TSHZ2: variants seen among roughly 807,000 people sequenced by gnomAD.
The protein encoded by TSHZ2 is teashirt zinc finger homeobox 2, also known as teashirt homolog 2.
In TSHZ2, 21 loss-of-function variants were observed where a neutral mutation model predicts 74.4. The observed-to-expected ratio is 0.28, with a 90% CI of 0.20 to 0.41. The LOEUF is 0.41. TSHZ2 is among the 10% of genes least tolerant of loss of function. TSHZ2 has a pLI of 1.00. For missense variants in TSHZ2, 1,244 were observed against 1,293.5 expected (o/e 0.96, Z 0.59); for synonymous variants, 540 against 515.3 (o/e 1.05, Z -0.65).
intron 2 of TSHZ2, among the ~76,000 whole-genome samples, chr20:53,278,071 T>C (rs993129018): frequency 5.9e-5 from 9 of 152,322 alleles, no homozygotes; most frequent in African/African-American, 2.2e-4. Context: ...AGAGCTACCA[T>C]TTCACGAGTG....
chr20:53,451,223 C>T (rs1984770948), intron 2 of TSHZ2, among the ~76,000 whole-genome samples: 1 of 152,184 alleles, frequency 6.6e-6, no homozygotes, highest in Non-Finnish European at 1.5e-5. Flanking sequence ...GTAATTTTTT[C>T]AGTTTCTGGT....
chr20:52,989,358 G>C (rs941900048), intron 1 of TSHZ2, among the ~76,000 whole-genome samples: 1 of 152,046 alleles, frequency 6.6e-6, no homozygotes, highest in African/African-American at 2.4e-5. Context: ...TGATCATCCT[G>C]TTTTATTGTC....
chr20:53,094,382 C>G (rs1389196910), intron 1 of TSHZ2, among the ~76,000 whole-genome samples: 1 of 152,156 alleles, frequency 6.6e-6, no homozygotes, highest in Non-Finnish European at 1.5e-5. Context: ...TGTCTGCCAT[C>G]TCTGGTATAT....
chr20:53,040,406 C>T (rs1983995115), intron 1 of TSHZ2, among the ~76,000 whole-genome samples: 1 of 152,052 alleles, frequency 6.6e-6, no homozygotes, highest in Non-Finnish European at 1.5e-5. Flanking sequence ...GTGGGCTGTG[C>T]TAAATATCTC....
chr20:53,101,000 T>G (rs962074381), intron 1 of TSHZ2, among the ~76,000 whole-genome samples: 1 of 151,920 alleles, frequency 6.6e-6, no homozygotes, highest in African/African-American at 2.4e-5. Flanking sequence ...GGGGTAGGGG[T>G]GGGAGAAAAT....
chr20:53,084,365 T>C (rs1270624400), intron 1 of TSHZ2, among the ~76,000 whole-genome samples: 2 of 152,218 alleles, frequency 1.3e-5, no homozygotes, highest in Non-Finnish European at 2.9e-5. Flanking sequence ...GTCGGGGTTT[T>C]TTCCACTAAG....
intron 2 of TSHZ2, among the ~76,000 whole-genome samples, chr20:53,439,420 C>T (rs1402941416): frequency 1.3e-5 from 2 of 152,190 alleles, no homozygotes; most frequent in East Asian, 1.9e-4. Context: ...TGTTGGAATC[C>T]TCCCTTTCTA....
At chr20:53,005,217 C>A (rs1344619759) in intron 1 of TSHZ2, among the ~76,000 whole-genome samples, 1 of 151,806 alleles carries the variant, frequency 6.6e-6, no homozygotes. Flanking sequence ...GGAGGCTGAG[C>A]CAGGAGAATC....
At chr20:53,239,935 ATATAT>A (rs1990026680) in intron 1 of TSHZ2, among the ~76,000 whole-genome samples, 1 of 152,134 alleles carries the variant, frequency 6.6e-6, no homozygotes, top group Non-Finnish European at 1.5e-5. Context: ...TACAAATTAG[ATATAT>A]TATGAAGCTC....
intron 2 of TSHZ2, among the ~76,000 whole-genome samples, chr20:53,325,215 A>G (rs143426295): frequency 6.6e-6 from 1 of 152,292 alleles, no homozygotes; most frequent in African/African-American, 2.4e-5. Flanking sequence ...GATCTCCAGC[A>G]GTTCCTGAAT....
chr20:53,387,570 C>T (rs2145651516), intron 2 of TSHZ2, among the ~76,000 whole-genome samples: 1 of 152,304 alleles, frequency 6.6e-6, no homozygotes, highest in South Asian at 2.1e-4. Context: ...GCACCTGGAC[C>T]TCTTTTGCTC....
chr20:53,412,360 T>A (rs1983084047), intron 2 of TSHZ2, among the ~76,000 whole-genome samples: 1 of 152,264 alleles, frequency 6.6e-6, no homozygotes, highest in African/African-American at 2.4e-5. Flanking sequence ...CCAGCCTGTG[T>A]GCTCCAGGAG....
Position 53,299,402 on chromosome 20 carries a change from A to G in TSHZ2, c.*8+42831A>G, listed in dbSNP as rs1438523918. Among the ~76,000 whole-genome samples, 3 of 152,336 alleles carry G rather than the reference A, an allele frequency of 2.0e-5. No homozygotes were observed. The South Asian group carries it at 6.2e-4, about 32-fold the overall frequency. Reference sequence around the variant, plus strand: ...GGATATGATTGTCTTTACAAAAAATATTTTATTATAATATGGGTAAAGACT... The same window carrying G: ...GGATATGATTGTCTTTACAAAAAATGTTTTATTATAATATGGGTAAAGACT... On this transcript the variant is annotated intron_variant, in intron 2 of 2. Coordinates refer to ENST00000371497, the MANE Select transcript of TSHZ2 (RefSeq NM_173485.6).
intron 1 of TSHZ2, among the ~76,000 whole-genome samples, chr20:53,213,577 G>GA (rs1436573049): frequency 5.9e-5 from 9 of 152,050 alleles, no homozygotes; most frequent in African/African-American, 1.9e-4. Flanking sequence ...GAGAGACAGA[G>GA]AGAGAGAAAG....
At chr20:53,044,636 T>C (rs138162913) in intron 1 of TSHZ2, among the ~76,000 whole-genome samples, 75 of 152,278 alleles carry the variant, frequency 4.9e-4, no homozygotes, top group Middle Eastern at 6.8e-3. Flanking sequence ...GTCACAGAGT[T>C]CTTGGACCCC....
intron 1 of TSHZ2, among the ~76,000 whole-genome samples, chr20:53,195,658 C>G (rs1284496577): frequency 6.6e-6 from 1 of 152,208 alleles, no homozygotes; most frequent in African/African-American, 2.4e-5. Flanking sequence ...CCTCTTTACC[C>G]AGCATTCTCA....
At chr20:53,272,773 A>T (rs1241264717) in intron 2 of TSHZ2, among the ~76,000 whole-genome samples, 2 of 152,276 alleles carry the variant, frequency 1.3e-5, no homozygotes, top group Non-Finnish European at 2.9e-5. Flanking sequence ...GTCTATGCTA[A>T]CTCTTGGAGG....
intron 1 of TSHZ2, among the ~76,000 whole-genome samples, chr20:53,096,797 G>A (rs930942434): frequency 2.6e-5 from 4 of 151,798 alleles, no homozygotes; most frequent in Admixed American, 1.3e-4. Flanking sequence ...CAGGAGAATC[G>A]CTTGAAATCG....
chr20:53,046,655 C>T (rs1984239271), intron 1 of TSHZ2, among the ~76,000 whole-genome samples: 1 of 151,904 alleles, frequency 6.6e-6, no homozygotes, highest in African/African-American at 2.4e-5. Context: ...CAAAACAAAA[C>T]AAAACCCTGG....
Sources: gnomAD v4.1 joint callset for allele counts (sites outside exome capture counted in the v4.1 genomes callset) on GRCh38, gnomAD v4.1.1 for gene constraint, MANE v1.5 for transcripts, NCBI Gene and HGNC (gene_info 2026-07-23, HGNC 2026-07-21) for gene names.